Variants in PTPN12 observed in about 807,000 individuals in gnomAD.
PTPN12 encodes tyrosine-protein phosphatase non-receptor type 12.
A neutral mutation model predicts 97.6 loss-of-function variants in PTPN12; 29 were observed. The ratio of observed to expected loss-of-function variants is 0.30; its 90% CI spans 0.22 to 0.41. PTPN12 has a LOEUF of 0.41. Among genes scored for constraint, PTPN12 ranks in the 10% least tolerant of loss-of-function variants. The pLI is 1.00. For missense variants in PTPN12, 819 were observed against 926.0 expected, an observed-to-expected ratio of 0.88 and a Z score of 1.50; for synonymous variants, 327 against 300.4, an observed-to-expected ratio of 1.09 and a Z score of -0.91.
At chr7:77,602,079 A>G (rs1246861565) in intron 8 of PTPN12, among the ~76,000 whole-genome samples, 1 of 151,994 alleles carries the variant, frequency 6.6e-6, no homozygotes, top group East Asian at 1.9e-4. Context: ...GTTTTGCAAA[A>G]TTACTCGTTT....
In PTPN12 at chr7:77,627,072, A is replaced by G; in HGVS notation, c.1393A>G (p.Lys465Glu). ...GAATAGGGGACATGCAATTAAAATT[A>G]AATCTGCTTCACCTTGTATAGCTGA... ...LLNRGHAIKI[K>E]SASPCIADKI... Residue 465 changes from lysine (K) to glutamate (E), a missense_variant, in exon 13 of 18, where the codon AAA becomes GAA. Coordinates refer to ENST00000248594, the MANE Select transcript of PTPN12 (RefSeq NM_002835.4). The G allele has an allele frequency of 6.2e-7, 1 of 1,614,050 alleles. No homozygotes were observed.
At chr7:77,619,948 A>G (rs1788876464) in intron 12 of PTPN12, among the ~76,000 whole-genome samples, 1 of 152,220 alleles carries the variant, frequency 6.6e-6, no homozygotes. Context: ...TTTGGTATCC[A>G]CCAAAACTGG....
At chr7:77,583,261 G>C (rs529019176) in intron 3 of PTPN12, among the ~76,000 whole-genome samples, 33 of 152,198 alleles carry the variant, frequency 2.2e-4, no homozygotes, top group Non-Finnish European at 4.4e-4. Flanking sequence ...AGGTATTAGG[G>C]CTTTTGTTAT....
At chr7:77,542,558 A>G (rs1807029758) in intron 1 of PTPN12, among the ~76,000 whole-genome samples, 1 of 152,226 alleles carries the variant, frequency 6.6e-6, no homozygotes, top group Non-Finnish European at 1.5e-5. Context: ...TAGAGTGTAT[A>G]CAACACATCT....
intron 1 of PTPN12, among the ~76,000 whole-genome samples, chr7:77,557,128 A>G (rs780553505): frequency 1.6e-4 from 25 of 151,902 alleles, no homozygotes; most frequent in Admixed American, 7.9e-4. Flanking sequence ...AACCACACTT[A>G]TCTATTTTTA....
chr7:77,548,872 G>A (rs1315178650), intron 1 of PTPN12, among the ~76,000 whole-genome samples: 2 of 152,114 alleles, frequency 1.3e-5, no homozygotes, highest in African/African-American at 4.8e-5. Flanking sequence ...TCTTTCTATG[G>A]TTTTCAAGTT....
chr7:77,546,486 G>T (rs1421338173), intron 1 of PTPN12, among the ~76,000 whole-genome samples: 1 of 152,172 alleles, frequency 6.6e-6, no homozygotes, highest in Non-Finnish European at 1.5e-5. Context: ...AGTTTCTTTA[G>T]ATTCATGCAG....
At chr7:77,605,252 G>T (rs985816708) in intron 8 of PTPN12, among the ~76,000 whole-genome samples, 1 of 152,066 alleles carries the variant, frequency 6.6e-6, no homozygotes, top group South Asian at 2.1e-4. Flanking sequence ...TTCAAAATAT[G>T]CATTAAAATG....
In PTPN12 at chr7:77,638,659, A is replaced by G. The variant is rs1434700533; in HGVS notation, c.2209A>G (p.Ile737Val). ...GGGAGGTATTCACTATGAAATGTGC[A>G]TAGAATGTCCACCTACTTTCAGTGA... Reference protein sequence around the residue: ...PAGGIHYEMCIECPPTFSDKR... With the variant: ...PAGGIHYEMCVECPPTFSDKR... The change falls in exon 17 of 18, where the codon ATA becomes GTA. Residue 737 changes from isoleucine (I) to valine (V), a missense_variant. By Grantham distance (29) the Ile-to-Val change is conservative. Around this residue, in one of 5 missense-constraint regions of PTPN12, gnomAD observed 607 missense variants for 577.3 expected, o/e 1.05. Transcript: ENST00000248594. 1 of 1,607,150 alleles carries G rather than the reference A, an allele frequency of 6.2e-7. No homozygotes were observed. The highest frequency in any genetic ancestry group is 8.5e-7 in the Non-Finnish European group (1 of 1,177,862).
At chr7:77,629,939 CAA>C (rs1168132976) in intron 13 of PTPN12, among the ~76,000 whole-genome samples, 48 of 98,848 alleles carry the variant, frequency 4.9e-4, no homozygotes, top group African/African-American at 1.1e-3. Context: ...GACCCTGTCT[CAA>C]AAAAAAAAAA....
intron 12 of PTPN12, among the ~76,000 whole-genome samples, chr7:77,625,468 G>GCGCGCTCTCTCTCTCTCTCTCTCTCTCT (rs1218191468): frequency 4.0e-5 from 1 of 24,752 alleles, no homozygotes; most frequent in East Asian, 1.8e-3. Flanking sequence ...TGCCCAGGCT[G>GCGCGCTCTCTCTCTCTCTCTCTCTCTCT]CTCGCTCTCT....
intron 5 of PTPN12, among the ~76,000 whole-genome samples, chr7:77,590,987 T>A (rs1434851992): frequency 6.6e-6 from 1 of 152,074 alleles, no homozygotes; most frequent in African/African-American, 2.4e-5. Context: ...CAGTGAGCCG[T>A]GATTGCACCA....
Position 77,584,841 on chromosome 7 carries a change from C to T in PTPN12, c.382-702C>T, listed in dbSNP as rs940464941. Among the ~76,000 whole-genome samples the T allele has an allele frequency of 1.4e-4, 21 of 150,600 alleles. No individual in the cohort carries two copies. The Middle Eastern group carries it at 0.024, about 172-fold the overall frequency. Reference sequence around the variant, plus strand: ...GCAGTGAGCTGAGATAGCGCCACTGCACTCCAGCCTGGGCGACAGAGCGAG... The same window carrying T: ...GCAGTGAGCTGAGATAGCGCCACTGTACTCCAGCCTGGGCGACAGAGCGAG... On this transcript the variant is annotated intron_variant, in intron 4 of 17. Coordinates refer to ENST00000248594, the MANE Select transcript of PTPN12 (RefSeq NM_002835.4).
In PTPN12 at chr7:77,628,734, C is replaced by T. The variant is rs538687241; in HGVS notation, c.1996+1059C>T. ...TATGTTTTTAGTAGAGACAGGGTTT[C>T]GATATGTTTGCCAGGCTGGTCTCAA... On this transcript the variant is annotated intron_variant, in intron 13 of 17. Transcript: ENST00000248594. Among the ~76,000 whole-genome samples the T allele has an allele frequency of 5.3e-5, 8 of 151,992 alleles. No homozygotes were observed. The East Asian group carries it at 7.7e-4, about 15-fold the overall frequency.
intron 9 of PTPN12, among the ~76,000 whole-genome samples, chr7:77,610,097 A>C (rs1450512200): frequency 6.6e-6 from 1 of 152,180 alleles, no homozygotes; most frequent in Non-Finnish European, 1.5e-5. Context: ...TGTGAATATC[A>C]GATCTTCTCA....
At chr7:77,576,964 G>A (rs1378348055) in intron 2 of PTPN12, among the ~76,000 whole-genome samples, 1 of 152,170 alleles carries the variant, frequency 6.6e-6, no homozygotes, top group African/African-American at 2.4e-5. Flanking sequence ...GGAAGGCCTG[G>A]CTGACCCCAC....
At chr7:77,577,009 G>A (rs1218680368) in intron 2 of PTPN12, among the ~76,000 whole-genome samples, 1 of 152,148 alleles carries the variant, frequency 6.6e-6, no homozygotes, top group Non-Finnish European at 1.5e-5. Context: ...TTGCTTTTAG[G>A]CCTTTTCAGT....
chr7:77,608,668 T>G (rs996973328), intron 9 of PTPN12, among the ~76,000 whole-genome samples: 37 of 152,214 alleles, frequency 2.4e-4, no homozygotes, highest in African/African-American at 8.4e-4. Flanking sequence ...TTCTCTTTTT[T>G]CCCTGCCATC....
chr7:77,598,194 G>A (rs1025893805), intron 7 of PTPN12, among the ~76,000 whole-genome samples: 1 of 152,112 alleles, frequency 6.6e-6, no homozygotes, highest in African/African-American at 2.4e-5. Flanking sequence ...GGGCAACAGA[G>A]GGAGACTCTC....
Sources: allele counts gnomAD v4.1 joint callset (sites outside exome capture counted in the v4.1 genomes callset), GRCh38; gene constraint gnomAD v4.1.1; regional missense constraint gnomAD v4.1.1; transcripts MANE v1.5; gene names NCBI Gene and HGNC (gene_info 2026-07-23, HGNC 2026-07-21).